The following ASIC2 variants were observed in gnomAD, a reference collection of about 807,000 sequenced individuals.
ASIC2 encodes acid-sensing ion channel 2.
In ASIC2, 25 loss-of-function variants were observed where a neutral mutation model predicts 57.3. The observed-to-expected ratio is 0.44, with a 90% CI of 0.32 to 0.61. The LOEUF is 0.61. ASIC2 is among the 20% of genes least tolerant of loss of function. ASIC2 has a pLI of 0.06. For missense variants in ASIC2, 641 were observed against 738.1 expected (o/e 0.87, Z 1.52); for synonymous variants, 319 against 307.5 (o/e 1.04, Z -0.39).
chr17:33,977,880 G>A (rs558634569), intron 1 of ASIC2, among the ~76,000 whole-genome samples: 8 of 152,290 alleles, frequency 5.3e-5, no homozygotes, highest in Middle Eastern at 3.4e-3. Context: ...TGGGGCCAGC[G>A]GTCTTGTTGG....
At chr17:33,078,456 A>C (rs774203329) in intron 3 of ASIC2, among the ~76,000 whole-genome samples, 2 of 152,272 alleles carry the variant, frequency 1.3e-5, no homozygotes, top group African/African-American at 2.4e-5. Context: ...TTAAATGGAC[A>C]GTAAATTATT....
At chr17:34,115,331 C>T (rs935778372) in intron 1 of ASIC2, among the ~76,000 whole-genome samples, 3 of 152,174 alleles carry the variant, frequency 2.0e-5, no homozygotes, top group African/African-American at 7.2e-5. Flanking sequence ...TTGCAGTGCA[C>T]TAGAACTCAT....
intron 1 of ASIC2, among the ~76,000 whole-genome samples, chr17:33,232,371 C>G (rs913135734): frequency 3.3e-5 from 5 of 151,802 alleles, no homozygotes; most frequent in Admixed American, 3.3e-4. Context: ...GGTAAGACAT[C>G]CAGTCTATGG....
intron 1 of ASIC2, among the ~76,000 whole-genome samples, chr17:33,138,548 A>T (rs1388249709): frequency 6.6e-6 from 1 of 152,170 alleles, no homozygotes; most frequent in Non-Finnish European, 1.5e-5. Context: ...GAATTTGACC[A>T]TTGCCCGTGG....
Position 33,853,553 on chromosome 17 carries a change from G to A in ASIC2, c.555+302425C>T, listed in dbSNP as rs892173059. Among the ~76,000 whole-genome samples, 6 of 152,322 alleles carry A rather than the reference G, an allele frequency of 3.9e-5. No individual in the cohort carries two copies. In the South Asian group the frequency reaches 1.2e-3, roughly 32 times the overall value. Reference sequence around the variant, plus strand: ...CCAGTTCCGTAAGGACGATCTCTAAGTGTCATCAAGATCCTGTAAGAGTCA... The same window carrying A: ...CCAGTTCCGTAAGGACGATCTCTAAATGTCATCAAGATCCTGTAAGAGTCA... On this transcript the variant is annotated intron_variant, in intron 1 of 9. Coordinates refer to the ASIC2 transcript ENST00000359872.
intron 1 of ASIC2, among the ~76,000 whole-genome samples, chr17:33,280,985 G>C (rs1904921871): frequency 6.6e-6 from 1 of 152,220 alleles, no homozygotes; most frequent in African/African-American, 2.4e-5. Context: ...TATGCCATCA[G>C]AATCAGATGG....
At chr17:33,155,564 CTTTT>C (rs558082080) in intron 1 of ASIC2, among the ~76,000 whole-genome samples, 1 of 130,820 alleles carries the variant, frequency 7.6e-6, no homozygotes, top group African/African-American at 2.9e-5. Flanking sequence ...TTCTTTCTTT[CTTTT>C]TTTTTTTTTT....
chr17:33,437,991 T>C (rs1019009340), intron 1 of ASIC2, among the ~76,000 whole-genome samples: 1 of 152,150 alleles, frequency 6.6e-6, no homozygotes, highest in African/African-American at 2.4e-5. Context: ...TAATAAAATA[T>C]AACTTGTCCC....
intron 3 of ASIC2, among the ~76,000 whole-genome samples, chr17:33,077,798 C>A (rs2092095465): frequency 6.6e-6 from 1 of 152,146 alleles, no homozygotes; most frequent in Non-Finnish European, 1.5e-5. Context: ...CTTTTTCAGA[C>A]CCCTCCTTCC....
At chr17:33,998,416 T>C (rs563932622) in intron 1 of ASIC2, among the ~76,000 whole-genome samples, 1 of 152,292 alleles carries the variant, frequency 6.6e-6, no homozygotes, top group East Asian at 1.9e-4. Context: ...CTGCTAACTT[T>C]GGACTTTGTT....
chr17:33,027,064 C>A (rs980680369), intron 4 of ASIC2, among the ~76,000 whole-genome samples: 1 of 152,222 alleles, frequency 6.6e-6, no homozygotes, highest in East Asian at 1.9e-4. Context: ...GGGTGGGAGG[C>A]CAATGTTCTT....
At chr17:34,109,689 C>A (rs1282543040) in intron 1 of ASIC2, among the ~76,000 whole-genome samples, 3 of 152,134 alleles carry the variant, frequency 2.0e-5, no homozygotes, top group African/African-American at 7.2e-5. Context: ...GTTATATAAA[C>A]CTGCATCTTT....
chr17:33,039,642 A>C (rs16967931), intron 3 of ASIC2, among the ~76,000 whole-genome samples: 2,314 of 152,314 alleles, frequency 0.015, 45 homozygotes, highest in Middle Eastern at 0.065. Flanking sequence ...TGTTCTGCAT[A>C]ATAGGACCTG....
At chr17:33,179,635 C>T (rs1287431262) in intron 1 of ASIC2, among the ~76,000 whole-genome samples, 1 of 152,180 alleles carries the variant, frequency 6.6e-6, no homozygotes, top group Non-Finnish European at 1.5e-5. Flanking sequence ...TCTCAAACCA[C>T]CCTCCTTACA....
At chr17:33,341,162 C>T (rs143175374) in intron 1 of ASIC2, among the ~76,000 whole-genome samples, 55 of 152,240 alleles carry the variant, frequency 3.6e-4, no homozygotes, top group African/African-American at 1.2e-3. Context: ...CAGAATCAAC[C>T]GAGGAGCGCT....
intron 1 of ASIC2, among the ~76,000 whole-genome samples, chr17:33,541,987 A>C (rs1386758213): frequency 1.3e-5 from 2 of 152,228 alleles, no homozygotes; most frequent in Non-Finnish European, 2.9e-5. Context: ...GGGAATAATG[A>C]AAGTTTCTAT....
intron 1 of ASIC2, among the ~76,000 whole-genome samples, chr17:33,455,871 G>T (rs762238527): frequency 6.6e-6 from 1 of 152,184 alleles, no homozygotes; most frequent in Admixed American, 6.5e-5. Flanking sequence ...CAAAGACTTT[G>T]CACAGTTCCT....
At chr17:33,174,397 G>A (rs1905653717) in intron 1 of ASIC2, among the ~76,000 whole-genome samples, 1 of 150,254 alleles carries the variant, frequency 6.7e-6, no homozygotes, top group Admixed American at 6.6e-5. Context: ...CTCCAGCCTG[G>A]GTGATGCAGC....
chr17:33,374,272 C>T (rs541383246), intron 1 of ASIC2, among the ~76,000 whole-genome samples: 1 of 152,202 alleles, frequency 6.6e-6, no homozygotes, highest in Non-Finnish European at 1.5e-5. Context: ...GCTGGGATTA[C>T]AGGTGTGAGC....
Sources: gnomAD v4.1 joint callset for allele counts (sites outside exome capture counted in the v4.1 genomes callset) on GRCh38, gnomAD v4.1.1 for gene constraint, MANE v1.5 for transcripts, NCBI Gene and HGNC (gene_info 2026-07-23, HGNC 2026-07-21) for gene names.